Variants in SGCZ observed in about 807,000 individuals in gnomAD.
SGCZ encodes the protein sarcoglycan zeta.
A neutral mutation model predicts 41.3 loss-of-function variants in SGCZ; 40 were observed. The ratio of observed to expected loss-of-function variants is 0.97; its 90% CI spans 0.75 to 1.26. The LOEUF is 1.26. Among genes scored for constraint, SGCZ ranks in the 50% most tolerant of loss-of-function variants. The probability of loss-of-function intolerance (pLI) is 0.00; values close to 1 mark genes in which losing one functional copy is unlikely to be tolerated. For synonymous variants in SGCZ, 206 were observed against 137.5 expected (o/e 1.50, Z -3.49); for missense variants, 552 against 369.8 (o/e 1.49, Z -4.04).
chr8:14,759,884 C>G (rs1799806818), intron 1 of SGCZ, among the ~76,000 whole-genome samples: 1 of 152,160 alleles, frequency 6.6e-6, no homozygotes, highest in Non-Finnish European at 1.5e-5. Context: ...GGCCCAGGTT[C>G]CAGGATCAAC....
At chr8:14,988,625 A>G (rs1260401409) in intron 1 of SGCZ, among the ~76,000 whole-genome samples, 2 of 152,062 alleles carry the variant, frequency 1.3e-5, no homozygotes, top group Non-Finnish European at 2.9e-5. Context: ...TTTTCAATGC[A>G]GTACAACATA....
chr8:14,717,828 C>A (rs368000499), intron 1 of SGCZ, among the ~76,000 whole-genome samples: 2 of 151,938 alleles, frequency 1.3e-5, no homozygotes, highest in African/African-American at 4.8e-5. Flanking sequence ...TTAAAAATCA[C>A]CTAAATCCAC....
chr8:14,970,615 A>C (rs1801260422), intron 1 of SGCZ, among the ~76,000 whole-genome samples: 1 of 152,134 alleles, frequency 6.6e-6, no homozygotes, highest in Non-Finnish European at 1.5e-5. Flanking sequence ...TTGTTCACAT[A>C]TGTGTGCACC....
intron 2 of SGCZ, among the ~76,000 whole-genome samples, chr8:14,444,990 C>G (rs1800391412): frequency 6.6e-6 from 1 of 152,178 alleles, no homozygotes; most frequent in Non-Finnish European, 1.5e-5. Flanking sequence ...TTCACTGACT[C>G]CATTACTTTC....
At chr8:14,945,502 T>C (rs957142057) in intron 1 of SGCZ, among the ~76,000 whole-genome samples, 1 of 152,118 alleles carries the variant, frequency 6.6e-6, no homozygotes, top group Admixed American at 6.5e-5. Context: ...AAGAAAATTC[T>C]ATTTTGGATC....
At chr8:14,683,991 G>C (rs1808527912) in intron 1 of SGCZ, among the ~76,000 whole-genome samples, 1 of 152,024 alleles carries the variant, frequency 6.6e-6, no homozygotes, top group African/African-American at 2.4e-5. Flanking sequence ...GATGCCATAG[G>C]TTTATCACTT....
At chr8:14,955,523 CAT>C (rs1238961666) in intron 1 of SGCZ, among the ~76,000 whole-genome samples, 1 of 152,158 alleles carries the variant, frequency 6.6e-6, no homozygotes, top group Non-Finnish European at 1.5e-5. Context: ...GTGCAAGAAA[CAT>C]ATGACACTCA....
intron 1 of SGCZ, among the ~76,000 whole-genome samples, chr8:14,583,109 GTT>G (rs1032662758): frequency 6.7e-6 from 1 of 149,928 alleles, no homozygotes; most frequent in African/African-American, 2.4e-5. Flanking sequence ...GGTTGAACTA[GTT>G]TACAGTCCCA....
intron 4 of SGCZ, among the ~76,000 whole-genome samples, chr8:14,189,811 T>C (rs1305278062): frequency 1.3e-5 from 2 of 152,198 alleles, no homozygotes; most frequent in East Asian, 1.9e-4. Flanking sequence ...CTAAAATACA[T>C]GCTTCATTAC....
At chr8:15,178,877 C>T (rs1474438479) in intron 1 of SGCZ, among the ~76,000 whole-genome samples, 1 of 152,136 alleles carries the variant, frequency 6.6e-6, no homozygotes, top group Admixed American at 6.5e-5. Flanking sequence ...AACTCTATGT[C>T]CAATAAATGC....
intron 5 of SGCZ, among the ~76,000 whole-genome samples, chr8:14,148,863 G>A (rs1231036561): frequency 2.0e-5 from 3 of 152,100 alleles, no homozygotes; most frequent in African/African-American, 7.2e-5. Flanking sequence ...TTACCTCTGG[G>A]ATGCAAGGAT....
At chr8:14,551,571 TATATATATAATATATATA>T (rs1563404836) in intron 2 of SGCZ, among the ~76,000 whole-genome samples, 1 of 16,120 alleles carries the variant, frequency 6.2e-5, no homozygotes, top group African/African-American at 3.8e-4. Flanking sequence ...ATATATATAA[TATATATATAATATATATA>T]ATATATATTA....
intron 1 of SGCZ, among the ~76,000 whole-genome samples, chr8:15,225,170 A>G (rs1801727597): frequency 6.6e-6 from 1 of 152,180 alleles, no homozygotes; most frequent in African/African-American, 2.4e-5. Flanking sequence ...ATGTACAAAT[A>G]TTTACTTTAT....
intron 1 of SGCZ, among the ~76,000 whole-genome samples, chr8:14,859,031 G>C (rs1004346859): frequency 1.3e-5 from 2 of 152,046 alleles, no homozygotes; most frequent in African/African-American, 4.8e-5. Context: ...TTTTCTGTCA[G>C]TTATTATTTT....
chr8:14,567,616 C>T lies in SGCZ; in HGVS notation c.40-12690G>A, dbSNP rs1040225490. On this transcript the variant is annotated intron_variant, in intron 1 of 7. Transcript: ENST00000382080. ...AGCAGGCTGCCTAAGCCAGCAGTGGCAACCAGCTGGGGTCCCCTTCCACAG... is the reference window on the plus strand; with the variant it reads ...AGCAGGCTGCCTAAGCCAGCAGTGGTAACCAGCTGGGGTCCCCTTCCACAG... Among the ~76,000 whole-genome samples the T allele has an allele frequency of 3.3e-5, 5 of 152,196 alleles. No individual in the cohort carries two copies. The South Asian group carries it at 6.2e-4, about 19-fold the overall frequency.
chr8:14,863,492 A>G (rs1419788998), intron 1 of SGCZ, among the ~76,000 whole-genome samples: 1 of 151,938 alleles, frequency 6.6e-6, no homozygotes, highest in Non-Finnish European at 1.5e-5. Flanking sequence ...GATCAGCTAT[A>G]AATAGTGAGG....
Position 14,626,548 on chromosome 8 carries a change from T to C in SGCZ, c.40-71622A>G, listed in dbSNP as rs549039980. On this transcript the variant is annotated intron_variant, in intron 1 of 7. Coordinates refer to ENST00000382080, the MANE Select transcript of SGCZ (RefSeq NM_139167.4). Reference sequence around the variant, plus strand: ...AAAATGGGGTCATTGCAAGTGTAAATATTTAAGTAAAAATTAGGTCACACT... The same window carrying C: ...AAAATGGGGTCATTGCAAGTGTAAACATTTAAGTAAAAATTAGGTCACACT... Among the ~76,000 whole-genome samples the C allele has an allele frequency of 2.6e-5, 4 of 152,270 alleles. No individual in the cohort carries two copies. The South Asian group carries it at 8.3e-4, about 32-fold the overall frequency.
intron 2 of SGCZ, among the ~76,000 whole-genome samples, chr8:14,423,665 T>C (rs1195578347): frequency 6.6e-6 from 1 of 152,142 alleles, no homozygotes; most frequent in East Asian, 1.9e-4. Flanking sequence ...CCGCCTGCCT[T>C]GGCCTCCCAA....
At chr8:15,169,283 G>C (rs1460013367) in intron 1 of SGCZ, among the ~76,000 whole-genome samples, 1 of 152,098 alleles carries the variant, frequency 6.6e-6, no homozygotes, top group Non-Finnish European at 1.5e-5. Flanking sequence ...CAGGGAGGAG[G>C]GTGTCCTCAG....
Sources: allele counts gnomAD v4.1 joint callset (sites outside exome capture counted in the v4.1 genomes callset), GRCh38; gene constraint gnomAD v4.1.1; transcripts MANE v1.5; gene names NCBI Gene and HGNC (gene_info 2026-07-23, HGNC 2026-07-21).